SENP8: variants seen among roughly 807,000 people sequenced by gnomAD.
The protein encoded by SENP8 is sentrin-specific protease 8.
Under a neutral mutation model 14.4 loss-of-function variants are expected in SENP8, and 10 were observed. The observed-to-expected ratio is 0.69, with a 90% confidence interval of 0.43 to 1.18. The LOEUF is 1.18. SENP8 is among the 50% of genes most tolerant of loss of function. SENP8 has a pLI of 0.00. For synonymous variants in SENP8, 94 were observed against 95.5 expected, an observed-to-expected ratio of 0.98 and a Z score of 0.09; for missense variants, 202 against 249.4, an observed-to-expected ratio of 0.81 and a Z score of 1.28.
upstream of SENP8, among the ~76,000 whole-genome samples, chr15:72,114,962 A>C (rs2080917158): frequency 6.6e-6 from 1 of 152,214 alleles, no homozygotes; most frequent in African/African-American, 2.4e-5. Flanking sequence ...AGTATAATCC[A>C]AATGATTAGG....
chr15:72,139,147 C>T (rs1249002074), intron 1 of SENP8, among the ~76,000 whole-genome samples: 1 of 151,874 alleles, frequency 6.6e-6, no homozygotes, highest in Admixed American at 6.6e-5. Context: ...TTACCAATAA[C>T]ATAGCCAATT....
At chr15:72,125,740 A>AGT (rs367888528) in intron 1 of SENP8, among the ~76,000 whole-genome samples, 12 of 151,726 alleles carry the variant, frequency 7.9e-5, no homozygotes, top group East Asian at 5.8e-4. Flanking sequence ...GTTAGCCTCT[A>AGT]GTGTGTGTGT....
chr15:72,134,168 A>T (rs936779814), intron 1 of SENP8, among the ~76,000 whole-genome samples: 1 of 151,946 alleles, frequency 6.6e-6, no homozygotes, highest in African/African-American at 2.4e-5. Flanking sequence ...CTGGTCTCGA[A>T]CTCCTAAGCT....
intron 1 of SENP8, among the ~76,000 whole-genome samples, chr15:72,128,261 TAAG>T (rs1210061288): frequency 1.3e-5 from 2 of 152,222 alleles, no homozygotes; most frequent in Non-Finnish European, 2.9e-5. Flanking sequence ...TTGGGACACA[TAAG>T]ACACCAATAA....
Position 72,139,663 on chromosome 15 carries a change from C to T in SENP8, c.40C>T (p.Arg14Trp), listed in dbSNP as rs570593067. 4.2e-5 allele frequency: 68 copies of T among 1,614,022 alleles called. No individual in the cohort carries two copies. Among genetic ancestry groups the T allele is most frequent in the Non-Finnish European group, 5.2e-5 (61 of 1,179,940 alleles). Residue 14 changes from arginine to tryptophan, a missense_variant, in exon 2 of 2, where the codon CGG becomes TGG. By Grantham distance (101) the Arg-to-Trp change is moderately radical. Coordinates refer to ENST00000340912, the MANE Select transcript of SENP8 (RefSeq NM_145204.4). ...VVLSYMDSLL[R>W]QSDVSLLDPP... ...CTTGAGTTACATGGACAGTCTACTG[C>T]GGCAATCAGATGTCTCACTATTGGA... is the stretch of plus-strand genomic sequence containing the variant.
chr15:72,142,083 A>T lies in SENP8; in HGVS notation c.*1821A>T, dbSNP rs953207003. The stretch of plus-strand genomic sequence containing the variant: ...AATCTTTCCTAACTCCCTACGATTC[A>T]TCTTATAAGTAAATTTATAAGTAAA... On this transcript the variant is annotated 3_prime_UTR_variant, in exon 2 of 2. Transcript: ENST00000340912. 1.3e-5 allele frequency: 2 copies of T among 152,244 alleles called. No homozygotes were observed. Among genetic ancestry groups the T allele is most frequent in the African/African-American group, 4.8e-5 (2 of 41,470 alleles). 9.4% of individuals were successfully genotyped at this position (152,244 alleles called of 1,614,324 possible).
At chr15:72,118,186 C>A (rs1596634034), upstream of SENP8, 6 of 361,306 alleles carry the variant, frequency 1.7e-5, no homozygotes, top group Non-Finnish European at 3.0e-5. Flanking sequence ...CAGCACGGGT[C>A]GGCCCCGCCC....
intron 1 of SENP8, among the ~76,000 whole-genome samples, chr15:72,121,082 C>T (rs1474128491): frequency 6.6e-6 from 1 of 152,186 alleles, no homozygotes; most frequent in Non-Finnish European, 1.5e-5. Flanking sequence ...CACTTCCCAA[C>T]CTCTCTGCTG....
chr15:72,120,755 A>G (rs2081160632), intron 1 of SENP8, among the ~76,000 whole-genome samples: 1 of 152,262 alleles, frequency 6.6e-6, no homozygotes, highest in Non-Finnish European at 1.5e-5. Context: ...ATTTCTAAGT[A>G]GTGATGACTA....
chr15:72,115,718 C>T (rs2080946551), upstream of SENP8, among the ~76,000 whole-genome samples: 1 of 152,194 alleles, frequency 6.6e-6, no homozygotes, highest in Non-Finnish European at 1.5e-5. Context: ...ATATTATAAT[C>T]ATCATCACAG....
intron 1 of SENP8, among the ~76,000 whole-genome samples, chr15:72,132,935 G>T (rs958548344): frequency 3.9e-5 from 6 of 152,082 alleles, no homozygotes; most frequent in African/African-American, 1.2e-4. Flanking sequence ...CTTTGGGAGG[G>T]CAAGGCGGGC....
At chr15:72,117,125 CTG>C (rs2081013063), upstream of SENP8, 2 of 152,264 alleles carry the variant, frequency 1.3e-5, no homozygotes, top group South Asian at 4.1e-4. Flanking sequence ...AAGCCAAAGT[CTG>C]TGACGGTGTC....
upstream of SENP8, chr15:72,117,915 C>A: frequency 2.5e-6 from 1 of 398,638 alleles, no homozygotes; most frequent in African/African-American, 2.1e-5. Context: ...CCCGCCGCAC[C>A]CCGCCCAGAG....
intron 1 of SENP8, among the ~76,000 whole-genome samples, chr15:72,132,057 A>G (rs1320437247): frequency 6.6e-6 from 1 of 152,238 alleles, no homozygotes; most frequent in Admixed American, 6.5e-5. Flanking sequence ...ACAGATGAGG[A>G]AAATGAGGCC....
chr15:72,135,932 A>G (rs1436708365), intron 1 of SENP8, among the ~76,000 whole-genome samples: 2 of 151,190 alleles, frequency 1.3e-5, no homozygotes, highest in Admixed American at 6.6e-5. Flanking sequence ...TTGCCAAGCT[A>G]TATGACCTGG....
chr15:72,131,755 A>G (rs1350882510), intron 1 of SENP8, among the ~76,000 whole-genome samples: 3 of 152,186 alleles, frequency 2.0e-5, no homozygotes, highest in Non-Finnish European at 4.4e-5. Flanking sequence ...TGAGAGAACA[A>G]TTTTCCCTGG....
upstream of SENP8, chr15:72,118,262 T>G (rs915757356): frequency 3.2e-6 from 1 of 310,746 alleles, no homozygotes; most frequent in African/African-American, 2.2e-5. Context: ...ACGCCCCCTT[T>G]CCTACGCCCC....
At chr15:72,126,310 T>C (rs1385737919) in intron 1 of SENP8, among the ~76,000 whole-genome samples, 1 of 152,292 alleles carries the variant, frequency 6.6e-6, no homozygotes, top group South Asian at 2.1e-4. Flanking sequence ...GGCTACTGTA[T>C]TGAACATTTT....
intron 1 of SENP8, among the ~76,000 whole-genome samples, chr15:72,136,694 T>A (rs1287114232): frequency 6.6e-6 from 1 of 152,212 alleles, no homozygotes. Flanking sequence ...TGTAGACAAG[T>A]GGTAAAATAA....
Sources: gnomAD v4.1 joint callset for allele counts (sites outside exome capture counted in the v4.1 genomes callset) on GRCh38, gnomAD v4.1.1 for gene constraint, MANE v1.5 for transcripts, NCBI Gene and HGNC (gene_info 2026-07-23, HGNC 2026-07-21) for gene names.